Variants in CTNNA2 observed in about 807,000 individuals in gnomAD.
The protein encoded by CTNNA2 is catenin alpha 2.
Under a neutral mutation model 101.0 loss-of-function variants are expected in CTNNA2, and 42 were observed. The observed-to-expected ratio is 0.42, with a 90% CI of 0.32 to 0.54. CTNNA2 has a LOEUF of 0.54. Ranked by LOEUF, CTNNA2 falls within the 20% of genes least tolerant of loss-of-function variation. CTNNA2 has a pLI of 0.14. For missense variants in CTNNA2, 871 were observed against 1,223.1 expected (o/e 0.71, Z 4.29); for synonymous variants, 450 against 456.4 (o/e 0.99, Z 0.18).
intron 2 of CTNNA2, among the ~76,000 whole-genome samples, chr2:79,213,991 C>T (rs1039604119): frequency 6.6e-6 from 1 of 152,144 alleles, no homozygotes; most frequent in Non-Finnish European, 1.5e-5. Flanking sequence ...AGAAACACTA[C>T]AGGGTGGGGT....
At chr2:80,552,010 T>C (rs1692597520) in intron 11 of CTNNA2, among the ~76,000 whole-genome samples, 1 of 152,006 alleles carries the variant, frequency 6.6e-6, no homozygotes, top group Non-Finnish European at 1.5e-5. Flanking sequence ...TTAATATTGT[T>C]GCGTCTCAGG....
chr2:80,296,101 T>G (rs1675716160), intron 7 of CTNNA2, among the ~76,000 whole-genome samples: 1 of 152,166 alleles, frequency 6.6e-6, no homozygotes, highest in Non-Finnish European at 1.5e-5. Context: ...CATAAATTTA[T>G]GGGGTACATG....
In CTNNA2 at chr2:80,131,118, C is replaced by T. The variant is rs562783992; in HGVS notation, c.1056+221321C>T. Among the ~76,000 whole-genome samples, 8 of 152,144 alleles carry T rather than the reference C, an allele frequency of 5.3e-5. No individual in the cohort carries two copies. The South Asian group carries it at 8.3e-4, about 16-fold the overall frequency. ...TGTCGCCCAGGTTGGAGTGCAGTGG[C>T]GTAATCTCCACTCACTGTAACCTCC... On this transcript the variant is annotated intron_variant, in intron 7 of 18. Transcript: ENST00000402739.
chr2:80,300,279 GGGGTGTGT>G (rs1464958772), intron 7 of CTNNA2, among the ~76,000 whole-genome samples: 8,054 of 127,976 alleles, frequency 0.063, 315 homozygotes, highest in Middle Eastern at 0.16. Context: ...CTGGGGTGTT[GGGGTGTGT>G]GTGTGTGTGT....
chr2:80,367,512 ATTTGT>A (rs1462359130), intron 7 of CTNNA2, among the ~76,000 whole-genome samples: 1 of 151,966 alleles, frequency 6.6e-6, no homozygotes, highest in Non-Finnish European at 1.5e-5. Flanking sequence ...TAAAACTTTT[ATTTGT>A]TTTATTTTTT....
At chr2:80,062,928 A>C (rs1379942503) in intron 7 of CTNNA2, among the ~76,000 whole-genome samples, 3 of 151,940 alleles carry the variant, frequency 2.0e-5, no homozygotes, top group Non-Finnish European at 4.4e-5. Flanking sequence ...GATGGTCTCG[A>C]TCTCCTGACC....
At chr2:79,402,464 TG>T (rs1678300290) in intron 4 of CTNNA2, among the ~76,000 whole-genome samples, 1 of 151,838 alleles carries the variant, frequency 6.6e-6, no homozygotes, top group South Asian at 2.1e-4. Flanking sequence ...TTCTCCTATA[TG>T]TACATGCCTA....
chr2:79,456,717 G>A (rs72820641), intron 4 of CTNNA2, among the ~76,000 whole-genome samples: 4,097 of 152,208 alleles, frequency 0.027, 81 homozygotes, highest in Non-Finnish European at 0.038. Context: ...GAAATCTGGA[G>A]GGTAAAATGG....
Position 79,771,542 on chromosome 2 carries a change from G to A in CTNNA2, c.298+26960G>A, listed in dbSNP as rs146945724. 3.2e-3 allele frequency among the ~76,000 whole-genome samples: 482 copies of A among 152,298 alleles called. 3 individuals are homozygous for A. Among genetic ancestry groups the A allele is most frequent in the African/African-American group, 0.011 (470 of 41,568 alleles). On this transcript the variant is annotated intron_variant, in intron 3 of 18. Transcript: ENST00000402739. ...TGCAACTGGATGGCCCCATCTGGGG[G>A]TGATGGGAGACAGTGACAGATCATC... is the stretch of plus-strand genomic sequence containing the variant.
chr2:79,299,450 T>C (rs911909682), intron 2 of CTNNA2, among the ~76,000 whole-genome samples: 3 of 152,228 alleles, frequency 2.0e-5, no homozygotes, highest in Non-Finnish European at 4.4e-5. Flanking sequence ...CAACAAGCAT[T>C]GTACAGGTTA....
At chr2:79,414,040 G>A (rs1008673628) in intron 4 of CTNNA2, among the ~76,000 whole-genome samples, 6 of 149,092 alleles carry the variant, frequency 4.0e-5, no homozygotes, top group South Asian at 2.2e-4. Flanking sequence ...TCAGGCATGC[G>A]GTTTTTTTAG....
chr2:79,528,970 G>A (rs539034545), intron 1 of CTNNA2, among the ~76,000 whole-genome samples: 1 of 152,240 alleles, frequency 6.6e-6, no homozygotes, highest in African/African-American at 2.4e-5. Context: ...GAGGTATATT[G>A]GAAGTTATAG....
intron 1 of CTNNA2, among the ~76,000 whole-genome samples, chr2:79,613,114 C>T (rs180978791): frequency 7.8e-4 from 117 of 150,354 alleles, no homozygotes; most frequent in Middle Eastern, 6.9e-3. Flanking sequence ...CCCAATTTTG[C>T]GGAGATGAAA....
At chr2:80,043,796 C>T (rs555062432) in intron 7 of CTNNA2, among the ~76,000 whole-genome samples, 14 of 152,318 alleles carry the variant, frequency 9.2e-5, no homozygotes, top group African/African-American at 2.4e-4. Context: ...AACAAGTCTT[C>T]GCAATGTATC....
At chr2:80,187,351 G>A (rs192666519) in intron 7 of CTNNA2, among the ~76,000 whole-genome samples, 6 of 152,280 alleles carry the variant, frequency 3.9e-5, no homozygotes, top group Admixed American at 3.9e-4. Flanking sequence ...AAGATATGGT[G>A]ATGAAAAATA....
intron 4 of CTNNA2, among the ~76,000 whole-genome samples, chr2:79,426,624 C>G (rs981059384): frequency 6.6e-6 from 1 of 152,024 alleles, no homozygotes; most frequent in Non-Finnish European, 1.5e-5. Flanking sequence ...GTGAATAAAC[C>G]ATTGCATTAT....
At chr2:79,889,984 G>A (rs1042247821) in intron 6 of CTNNA2, among the ~76,000 whole-genome samples, 1 of 152,158 alleles carries the variant, frequency 6.6e-6, no homozygotes, top group African/African-American at 2.4e-5. Flanking sequence ...TTACCTCTTG[G>A]TGTAAGAGTG....
At chr2:79,930,336 GAAA>G (rs1687350529) in intron 7 of CTNNA2, among the ~76,000 whole-genome samples, 1 of 146,054 alleles carries the variant, frequency 6.8e-6, no homozygotes, top group African/African-American at 2.6e-5. Context: ...AAGAAAGAAA[GAAA>G]GAAAGAAAGA....
At chr2:79,946,794 C>T (rs1688524947) in intron 7 of CTNNA2, among the ~76,000 whole-genome samples, 1 of 152,096 alleles carries the variant, frequency 6.6e-6, no homozygotes, top group South Asian at 2.1e-4. Context: ...AGTGAATTGA[C>T]AGAGATTTAT....
Sources: allele counts gnomAD v4.1 joint callset (sites outside exome capture counted in the v4.1 genomes callset), GRCh38; gene constraint gnomAD v4.1.1; transcripts MANE v1.5; gene names NCBI Gene and HGNC (gene_info 2026-07-23, HGNC 2026-07-21).